Variants in IRAK1BP1 observed in about 807,000 individuals in gnomAD.
IRAK1BP1 encodes interleukin 1 receptor associated kinase 1 binding protein 1, also known as interleukin-1 receptor-associated kinase 1-binding protein 1.
Under a neutral mutation model 28.0 loss-of-function variants are expected in IRAK1BP1, and 24 were observed. That is an observed-to-expected ratio of 0.86 (90% CI 0.62 to 1.20). IRAK1BP1 has a LOEUF of 1.20. IRAK1BP1 is among the 50% of genes most tolerant of loss of function. The probability of loss-of-function intolerance (pLI) is 0.00; values close to 1 mark genes in which losing one functional copy is unlikely to be tolerated. For synonymous variants in IRAK1BP1, 131 were observed against 116.3 expected, an observed-to-expected ratio of 1.13 and a Z score of -0.81; for missense variants, 336 against 316.7, an observed-to-expected ratio of 1.06 and a Z score of -0.46.
At chr6:78,873,297 G>C (rs1410028853) in intron 1 of IRAK1BP1, among the ~76,000 whole-genome samples, 1 of 134,000 alleles carries the variant, frequency 7.5e-6, no homozygotes, top group Non-Finnish European at 1.6e-5. Context: ...TAAATAACCT[G>C]TCATATATTG....
In IRAK1BP1 at chr6:78,934,478, T is replaced by G. The variant is rs1401540433; in HGVS notation, c.*68-10930T>G. On this transcript the variant is annotated intron_variant and NMD_transcript_variant, in intron 4 of 4. Transcript: ENST00000606868. ...ATGTACTTTTAAAGCAATTCACAAT[T>G]TATAGCAATACAATAGTGTGTTGTA... Among the ~76,000 whole-genome samples, 9 of 152,228 alleles carry G rather than the reference T, an allele frequency of 5.9e-5. No homozygotes were observed. The South Asian group carries it at 6.2e-4, about 11-fold the overall frequency.
At chr6:78,908,926 C>T (rs1009227897) in intron 4 of IRAK1BP1, among the ~76,000 whole-genome samples, 1 of 152,174 alleles carries the variant, frequency 6.6e-6, no homozygotes, top group African/African-American at 2.4e-5. Context: ...CTGGGCCCAC[C>T]TTCTGTCTAA....
the IRAK1BP1 span, chr6:78,965,676 G>C: frequency 2.2e-6 from 3 of 1,334,642 alleles, no homozygotes; most frequent in Non-Finnish European, 3.2e-6. Context: ...CCATAATGGA[G>C]AAACAAAAAG....
At chr6:78,893,373 A>G (rs1771754947) in intron 2 of IRAK1BP1, among the ~76,000 whole-genome samples, 1 of 146,164 alleles carries the variant, frequency 6.8e-6, no homozygotes, top group Non-Finnish European at 1.5e-5. Flanking sequence ...CTATTAATAT[A>G]TCCAGCAAAA....
chr6:78,893,306 GTGTGTGTGTATATATATA>G (rs1771736589), intron 2 of IRAK1BP1, among the ~76,000 whole-genome samples: 7 of 97,854 alleles, frequency 7.2e-5, no homozygotes, highest in South Asian at 3.9e-4. Flanking sequence ...GTGTGTGTGT[GTGTGTGTGTATATATATA>G]TATATATATA....
At chr6:78,910,950 C>G (rs1346836551) in intron 4 of IRAK1BP1, among the ~76,000 whole-genome samples, 1 of 152,234 alleles carries the variant, frequency 6.6e-6, no homozygotes, top group Admixed American at 6.5e-5. Flanking sequence ...GGCACCGGGT[C>G]CTGGACGAAA....
chr6:78,944,259 T>G (rs1416928697), intron 4 of IRAK1BP1, among the ~76,000 whole-genome samples: 1 of 152,166 alleles, frequency 6.6e-6, no homozygotes, highest in Non-Finnish European at 1.5e-5. Flanking sequence ...GAGTCTTGTG[T>G]AACAGGCAAA....
intron 4 of IRAK1BP1, chr6:78,940,344 G>GAT (rs1773425726): frequency 6.6e-6 from 1 of 151,678 alleles, no homozygotes; most frequent in South Asian, 2.1e-4. Context: ...TGCTCCTAAA[G>GAT]AGTGTAGCAG....
At chr6:78,959,720 G>GT in the IRAK1BP1 span, among the ~76,000 whole-genome samples, 6 of 151,952 alleles carry the variant, frequency 3.9e-5, no homozygotes, top group East Asian at 1.9e-4. Flanking sequence ...TCTTTCAAAT[G>GT]TTTTTTTCCT....
intron 1 of IRAK1BP1, among the ~76,000 whole-genome samples, chr6:78,880,831 T>G (rs535968477): frequency 6.6e-6 from 1 of 152,304 alleles, no homozygotes; most frequent in East Asian, 1.9e-4. Flanking sequence ...AATGAAATAC[T>G]GCTATGTACC....
At chr6:78,943,445 AG>A (rs1773612976) in intron 4 of IRAK1BP1, among the ~76,000 whole-genome samples, 1 of 152,212 alleles carries the variant, frequency 6.6e-6, no homozygotes, top group Non-Finnish European at 1.5e-5. Context: ...AAAAGAAGCA[AG>A]GCCAATATAC....
At chr6:78,953,459 A>G in the IRAK1BP1 span, among the ~76,000 whole-genome samples, 1 of 152,214 alleles carries the variant, frequency 6.6e-6, no homozygotes, top group Non-Finnish European at 1.5e-5. Flanking sequence ...TTTCAAAAGA[A>G]TACATAGCTG....
At chr6:78,882,295 C>A (rs1771257620) in intron 1 of IRAK1BP1, among the ~76,000 whole-genome samples, 1 of 152,060 alleles carries the variant, frequency 6.6e-6, no homozygotes, top group African/African-American at 2.4e-5. Flanking sequence ...TGAAAGAAGT[C>A]CCAATGGCCA....
chr6:78,975,897 A>T, the IRAK1BP1 span, among the ~76,000 whole-genome samples: 4 of 150,162 alleles, frequency 2.7e-5, no homozygotes, highest in African/African-American at 7.3e-5. Context: ...ATGGAAGAAC[A>T]TTCCATGCTC....
Position 78,898,175 on chromosome 6 carries a change from A to C in IRAK1BP1, c.624A>C (p.Thr208=). 1 of 1,613,838 alleles carries C rather than the reference A, an allele frequency of 6.2e-7. No homozygotes were observed. Reference sequence around the variant, plus strand: ...CTTTACTAATCAAAGAAGAAGAAACAAAAGAATGGGAAGGCCAAATAGATG... The same window carrying C: ...CTTTACTAATCAAAGAAGAAGAAACCAAAGAATGGGAAGGCCAAATAGATG... ...GKPLLIKEEE[T]KEWEGQIDDH... is the part of the protein sequence containing the mutation. Residue 208 remains threonine (T), a synonymous_variant, in exon 4 of 4, where the codon ACA becomes ACC. Coordinates refer to ENST00000369940, the MANE Select transcript of IRAK1BP1 (RefSeq NM_001010844.4).
At chr6:78,958,672 G>T in the IRAK1BP1 span, 3 of 920,532 alleles carry the variant, frequency 3.3e-6, no homozygotes, top group African/African-American at 5.1e-5. Flanking sequence ...TTAAAACCAA[G>T]ACATTCCAAC....
In IRAK1BP1 at chr6:78,918,341, C is replaced by T. The variant is rs75965265; in HGVS notation, c.*67+15231C>T. ...AATATCAATATTAACCCAGTATACA[C>T]GTATCAATATTAACCCTGAATGCAA... On this transcript the variant is annotated intron_variant and NMD_transcript_variant, in intron 4 of 4. Transcript: ENST00000606868. 1.3e-3 allele frequency among the ~76,000 whole-genome samples: 202 copies of T among 151,942 alleles called. 2 individuals carry two copies. The highest frequency in any genetic ancestry group is 0.012 in the South Asian group (57 of 4,810).
At chr6:78,927,687 A>G (rs2127668900) in intron 4 of IRAK1BP1, among the ~76,000 whole-genome samples, 1 of 152,200 alleles carries the variant, frequency 6.6e-6, no homozygotes, top group East Asian at 1.9e-4. Context: ...TAAGTCTTTA[A>G]TGCATTTTGA....
chr6:78,890,220 T>C (rs1771593102), intron 2 of IRAK1BP1, among the ~76,000 whole-genome samples: 1 of 138,962 alleles, frequency 7.2e-6, no homozygotes, highest in African/African-American at 2.7e-5. Flanking sequence ...AGTTGAACAA[T>C]GAGAACACAT....
Sources: gnomAD v4.1 joint callset for allele counts (sites outside exome capture counted in the v4.1 genomes callset) on GRCh38, gnomAD v4.1.1 for gene constraint, MANE v1.5 for transcripts, NCBI Gene and HGNC (gene_info 2026-07-23, HGNC 2026-07-21) for gene names.